AP3B1: variants seen among roughly 807,000 people sequenced by gnomAD.
AP3B1 encodes AP-3 complex subunit beta-1.
AP3B1 carries 61 observed loss-of-function variants against 132.5 expected under a neutral mutation model. The ratio of observed to expected loss-of-function variants is 0.46; its 90% confidence interval spans 0.37 to 0.57. The LOEUF (loss-of-function observed/expected upper bound fraction) is 0.57. Among genes scored for constraint, AP3B1 ranks in the 20% least tolerant of loss-of-function variants. AP3B1 has a pLI of 0.00. For synonymous variants in AP3B1, 388 were observed against 438.3 expected (o/e 0.89, Z 1.43); for missense variants, 1,120 against 1,289.4 (o/e 0.87, Z 2.01).
At chr5:78,244,391 T>TG (rs1747282682) in intron 2 of AP3B1, among the ~76,000 whole-genome samples, 1 of 151,286 alleles carries the variant, frequency 6.6e-6, no homozygotes, top group South Asian at 2.1e-4. Context: ...CCAGCCTGTG[T>TG]GACAGAGTTT....
chr5:78,209,609 A>G (rs895492298), intron 7 of AP3B1, among the ~76,000 whole-genome samples: 1 of 152,192 alleles, frequency 6.6e-6, no homozygotes, highest in Non-Finnish European at 1.5e-5. Flanking sequence ...AGCTATAGCA[A>G]CCATGGGCAC....
At chr5:78,008,909 TAATC>T (rs770696004) in intron 26 of AP3B1, among the ~76,000 whole-genome samples, 31 of 152,094 alleles carry the variant, frequency 2.0e-4, no homozygotes, top group Non-Finnish European at 3.5e-4. Flanking sequence ...ACTCAAAAGT[TAATC>T]AAACTAAGAA....
intron 16 of AP3B1, among the ~76,000 whole-genome samples, chr5:78,128,831 C>T (rs1752571829): frequency 6.6e-6 from 1 of 151,904 alleles, no homozygotes; most frequent in Non-Finnish European, 1.5e-5. Context: ...GAAATGAAGT[C>T]ATTATTTATA....
Position 78,081,150 on chromosome 5 carries a change from A to G in AP3B1, c.2577+8243T>C, listed in dbSNP as rs181273765. Among the ~76,000 whole-genome samples, 3 of 152,318 alleles carry G rather than the reference A, an allele frequency of 2.0e-5. No homozygotes were observed. The East Asian group carries it at 5.8e-4, about 29-fold the overall frequency. On this transcript the variant is annotated intron_variant, in intron 22 of 26. Transcript: ENST00000255194. The stretch of plus-strand genomic sequence containing the variant: ...CTTAAAGAAGAGAAGGCAAAGAACA[A>G]GATGAGAGATGGCTTAACCCACTGA...
intron 15 of AP3B1, among the ~76,000 whole-genome samples, chr5:78,133,669 T>C (rs1009861376): frequency 1.4e-4 from 21 of 152,214 alleles, no homozygotes; most frequent in African/African-American, 4.6e-4. Context: ...ATTAATTAAA[T>C]AGTACTTTTA....
At chr5:78,035,290 T>G (rs890042556) in intron 23 of AP3B1, among the ~76,000 whole-genome samples, 3 of 151,994 alleles carry the variant, frequency 2.0e-5, no homozygotes, top group Non-Finnish European at 4.4e-5. Context: ...TGTTTATATA[T>G]AGAAACTGTC....
rs537531797 is a variant in AP3B1, at chr5:78,087,428, A to T, written c.2577+1965T>A. On this transcript the variant is annotated intron_variant, in intron 22 of 26. Transcript: ENST00000255194. Reference sequence around the variant, plus strand: ...TAGGAGCCATGACATTCTGCAGTAGAATATTCAGTTTATTTCTACACGTTC... The same window carrying T: ...TAGGAGCCATGACATTCTGCAGTAGTATATTCAGTTTATTTCTACACGTTC... The T allele has an allele frequency of 6.4e-6, 4 of 623,324 alleles. No individual in the cohort carries two copies. In the South Asian group the frequency reaches 2.8e-4, roughly 44 times the overall value. The allele number at this position is 623,324 out of a possible 1,614,324, so 38.6% of individuals were successfully genotyped here.
chr5:78,114,247 A>C (rs1751726101), intron 18 of AP3B1, among the ~76,000 whole-genome samples: 1 of 152,160 alleles, frequency 6.6e-6, no homozygotes, highest in Non-Finnish European at 1.5e-5. Context: ...CTTTCTTTTA[A>C]AGAATTACGT....
intron 24 of AP3B1, among the ~76,000 whole-genome samples, chr5:78,022,232 G>A (rs1442907940): frequency 6.6e-6 from 1 of 152,074 alleles, no homozygotes; most frequent in African/African-American, 2.4e-5. Context: ...TGAATATCTG[G>A]GGATTTAAAG....
intron 21 of AP3B1, among the ~76,000 whole-genome samples, chr5:78,096,264 T>C (rs1391813404): frequency 6.6e-6 from 1 of 152,218 alleles, no homozygotes; most frequent in Non-Finnish European, 1.5e-5. Context: ...CCGCCAGCCT[T>C]GGCCTCCAGA....
At chr5:78,126,310 GC>G (rs1033775373) in intron 17 of AP3B1, among the ~76,000 whole-genome samples, 2 of 151,720 alleles carry the variant, frequency 1.3e-5, no homozygotes, top group African/African-American at 4.8e-5. Flanking sequence ...TTTGAGACCA[GC>G]CTGGCCAACA....
At chr5:78,006,194 G>T (rs1746386359) in intron 26 of AP3B1, among the ~76,000 whole-genome samples, 1 of 152,156 alleles carries the variant, frequency 6.6e-6, no homozygotes, top group Non-Finnish European at 1.5e-5. Context: ...GGCAAGCGAG[G>T]CCCAGAGAAG....
intron 26 of AP3B1, among the ~76,000 whole-genome samples, chr5:78,013,470 A>C (rs934802607): frequency 2.0e-5 from 3 of 152,260 alleles, no homozygotes; most frequent in African/African-American, 7.2e-5. Flanking sequence ...GTTCCAGCAT[A>C]AACAGTGGCT....
At chr5:78,150,652 T>A (rs1356460601) in intron 14 of AP3B1, among the ~76,000 whole-genome samples, 1 of 152,172 alleles carries the variant, frequency 6.6e-6, no homozygotes, top group Non-Finnish European at 1.5e-5. Flanking sequence ...AATAATACTA[T>A]ATTGTAGGTC....
intron 7 of AP3B1, among the ~76,000 whole-genome samples, chr5:78,207,889 A>G (rs1025794742): frequency 3.3e-5 from 5 of 152,174 alleles, no homozygotes; most frequent in African/African-American, 1.2e-4. Flanking sequence ...AGAAACAATA[A>G]ACCATTTTCA....
chr5:78,015,303 T>C lies in AP3B1; in HGVS notation c.3131+107A>G. ...AAAAAAGGGAGTGTGTGTATATATA[T>C]ATATGTTTAGGGGTTATTATTTCCA... is the stretch of plus-strand genomic sequence containing the variant. On this transcript the variant is annotated intron_variant, in intron 26 of 26. Transcript: ENST00000255194. 2.6e-6 allele frequency: 3 copies of C among 1,163,014 alleles called. No individual in the cohort carries two copies. The East Asian group carries it at 7.8e-5, about 30-fold the overall frequency. The allele number at this position is 1,163,014 out of a possible 1,614,324, so 72.0% of individuals were successfully genotyped here.
chr5:78,230,223 C>A (rs368344774), intron 3 of AP3B1, among the ~76,000 whole-genome samples: 1 of 152,142 alleles, frequency 6.6e-6, no homozygotes, highest in South Asian at 2.1e-4. Context: ...TTCCATTTAT[C>A]TACAGAAATT....
chr5:78,267,668 A>G (rs2112562698), intron 1 of AP3B1, 73 bp from the exon 2 acceptor site: 3 of 951,690 alleles, frequency 3.2e-6, no homozygotes, highest in East Asian at 2.8e-5. Flanking sequence ...TATCATTTTC[A>G]TAAGAATTAG....
At chr5:78,146,938 A>T (rs890861381) in intron 14 of AP3B1, among the ~76,000 whole-genome samples, 1 of 152,086 alleles carries the variant, frequency 6.6e-6, no homozygotes, top group Non-Finnish European at 1.5e-5. Flanking sequence ...GCCTAAATAC[A>T]TTCTTGATTT....
Sources: gnomAD v4.1 joint callset for allele counts (sites outside exome capture counted in the v4.1 genomes callset) on GRCh38, gnomAD v4.1.1 for gene constraint, MANE v1.5 for transcripts, NCBI Gene and HGNC (gene_info 2026-07-23, HGNC 2026-07-21) for gene names.